The following SNX29 variants were observed in gnomAD, a reference collection of about 807,000 sequenced individuals.
SNX29 encodes sorting nexin-29.
In SNX29, 78 loss-of-function variants were observed where a neutral mutation model predicts 102.1. The observed-to-expected ratio is 0.76, with a 90% CI of 0.64 to 0.92. SNX29 has a LOEUF of 0.92. SNX29 is among the 40% of genes least tolerant of loss of function. SNX29 has a pLI of 0.00. For missense variants in SNX29, 1,280 were observed against 1,061.7 expected (o/e 1.21, Z -2.86); for synonymous variants, 580 against 414.5 (o/e 1.40, Z -4.85).
intron 17 of SNX29, among the ~76,000 whole-genome samples, chr16:12,402,381 G>T (rs752789054): frequency 6.6e-6 from 1 of 152,242 alleles, no homozygotes; most frequent in African/African-American, 2.4e-5. Context: ...GAAGGCTGGC[G>T]AGTTTTTATG....
intron 16 of SNX29, among the ~76,000 whole-genome samples, chr16:12,379,719 T>C (rs1310640255): frequency 1.3e-5 from 2 of 152,202 alleles, no homozygotes; most frequent in Non-Finnish European, 2.9e-5. Flanking sequence ...GAAATGAGGC[T>C]GATTTCTCTC....
At chr16:11,979,275 CAAAAAAAAAAA>C (rs71139569) in intron 1 of SNX29, among the ~76,000 whole-genome samples, 11 of 62,002 alleles carry the variant, frequency 1.8e-4, no homozygotes, top group African/African-American at 6.7e-4. Context: ...ACTCAGTCTC[CAAAAAAAAAAA>C]AAAAAAAAAA....
chr16:12,503,109 C>A (rs1287734048), intron 19 of SNX29, among the ~76,000 whole-genome samples: 1 of 152,102 alleles, frequency 6.6e-6, no homozygotes, highest in East Asian at 1.9e-4. Flanking sequence ...CATCCACCAC[C>A]CCCACCCCCA....
chr16:12,267,846 T>C (rs992401167), intron 14 of SNX29, among the ~76,000 whole-genome samples: 1 of 152,094 alleles, frequency 6.6e-6, no homozygotes, highest in South Asian at 2.1e-4. Context: ...TTCTGAATCC[T>C]CCAGGGGCTG....
chr16:12,277,879 G>T, intron 14 of SNX29, 54 bp from the exon 15 acceptor site: 1 of 1,484,650 alleles, frequency 6.7e-7, no homozygotes, highest in South Asian at 1.2e-5. Context: ...TTTACTGGGA[G>T]AATAATTTTC....
intron 20 of SNX29, among the ~76,000 whole-genome samples, chr16:12,551,440 A>G (rs2561034): frequency 0.32 from 49,128 of 152,110 alleles, 9,566 homozygotes; most frequent in East Asian, 0.74. Flanking sequence ...TCGATCACCC[A>G]GCATGCTTTT....
intron 13 of SNX29, among the ~76,000 whole-genome samples, chr16:12,184,467 G>A (rs1237753081): frequency 6.6e-6 from 1 of 152,168 alleles, no homozygotes; most frequent in Admixed American, 6.5e-5. Flanking sequence ...AAGCAATAAA[G>A]GTTCAGATCT....
chr16:12,532,534 T>A (rs566826887), intron 20 of SNX29, among the ~76,000 whole-genome samples: 1 of 152,224 alleles, frequency 6.6e-6, no homozygotes, highest in Admixed American at 6.5e-5. Flanking sequence ...GAATAACTTA[T>A]GATTTGGAGA....
intron 4 of SNX29, chr16:12,027,682 C>T (rs190439737): frequency 5.3e-6 from 2 of 376,702 alleles, no homozygotes; most frequent in East Asian, 1.2e-4. Flanking sequence ...ACAGTCTCCT[C>T]TGGGTTCGGG....
In SNX29 at chr16:12,139,979, T is replaced by TGAAAAAAA. The variant is rs144110763; in HGVS notation, c.1595+10221_1595+10222insGAAAAAAA. On this transcript the variant is annotated intron_variant, in intron 13 of 20. Coordinates refer to ENST00000566228, the MANE Select transcript of SNX29 (RefSeq NM_032167.5). ...CTGGGAGACAGAGAGATACCCTGTC[T>TGAAAAAAA]CAAAAAAAAAAAAAAAAAAAAAAAA... 1.3e-4 allele frequency among the ~76,000 whole-genome samples: 8 copies of TGAAAAAAA among 63,052 alleles called. 2 individuals carry two copies. The highest frequency in any genetic ancestry group is 3.6e-4 in the Admixed American group (2 of 5,510). 41.4% of individuals were successfully genotyped at this position (63,052 alleles called of 152,430 possible).
intron 11 of SNX29, among the ~76,000 whole-genome samples, chr16:12,118,307 G>A (rs71388721): frequency 0.23 from 27,414 of 119,562 alleles, 3,027 homozygotes; most frequent in East Asian, 0.48. Context: ...TAGATATACA[G>A]ACCACCTTTT....
chr16:11,984,680 G>C lies in SNX29; in HGVS notation c.7+7867G>C, dbSNP rs2055537868. Among the ~76,000 whole-genome samples, 4 of 151,750 alleles carry C rather than the reference G, an allele frequency of 2.6e-5. No individual in the cohort carries two copies. The South Asian group carries it at 8.4e-4, about 32-fold the overall frequency. On this transcript the variant is annotated intron_variant, in intron 1 of 20. Coordinates refer to ENST00000566228, the MANE Select transcript of SNX29 (RefSeq NM_032167.5). ...TCCTCTCTTTTTCTTTTGAGACAGG[G>C]TTTTGCTCTGTTGCCCAGGCTGGAA...
intron 16 of SNX29, among the ~76,000 whole-genome samples, chr16:12,383,268 A>T (rs1567507110): frequency 6.6e-6 from 1 of 152,084 alleles, no homozygotes; most frequent in African/African-American, 2.4e-5. Flanking sequence ...TACAGGGATT[A>T]TTGTCCTGTT....
At chr16:12,454,655 T>A (rs2086456287) in intron 18 of SNX29, among the ~76,000 whole-genome samples, 1 of 152,192 alleles carries the variant, frequency 6.6e-6, no homozygotes, top group Non-Finnish European at 1.5e-5. Context: ...CGTCTGGGAA[T>A]TTAGACTTGA....
chr16:12,447,342 T>A (rs2086109624), intron 18 of SNX29, among the ~76,000 whole-genome samples: 1 of 152,104 alleles, frequency 6.6e-6, no homozygotes, highest in Non-Finnish European at 1.5e-5. Flanking sequence ...TGGACAAAAG[T>A]ATACATGATG....
At chr16:12,097,028 G>C (rs970225025) in intron 11 of SNX29, among the ~76,000 whole-genome samples, 1 of 152,192 alleles carries the variant, frequency 6.6e-6, no homozygotes, top group Admixed American at 6.5e-5. Flanking sequence ...GTGTGCAAAG[G>C]GGGCTGACAG....
chr16:12,183,252 T>C (rs1485672424), intron 13 of SNX29, among the ~76,000 whole-genome samples: 1 of 152,186 alleles, frequency 6.6e-6, no homozygotes, highest in East Asian at 1.9e-4. Flanking sequence ...CCTCCCGCCT[T>C]AGCCTCCCAA....
chr16:12,398,273 C>T (rs1234460010), intron 16 of SNX29, among the ~76,000 whole-genome samples, 173 bp from the exon 17 acceptor site: 16 of 152,200 alleles, frequency 1.1e-4, no homozygotes, highest in Non-Finnish European at 2.9e-5. Flanking sequence ...GCAACATCCT[C>T]TCCAACCATC....
At chr16:12,350,986 C>T (rs531225392) in intron 15 of SNX29, among the ~76,000 whole-genome samples, 1 of 152,334 alleles carries the variant, frequency 6.6e-6, no homozygotes, top group East Asian at 1.9e-4. Context: ...AAGGGATCAT[C>T]TTCCTACCAT....
Sources: gnomAD v4.1 joint callset for allele counts (sites outside exome capture counted in the v4.1 genomes callset) on GRCh38, gnomAD v4.1.1 for gene constraint, MANE v1.5 for transcripts, NCBI Gene and HGNC (gene_info 2026-07-23, HGNC 2026-07-21) for gene names.